RNF157: variants seen among roughly 807,000 people sequenced by gnomAD.
RNF157 encodes the protein ring finger protein 157, also known as E3 ubiquitin ligase RNF157.
A neutral mutation model predicts 88.3 loss-of-function variants in RNF157; 55 were observed. The ratio of observed to expected loss-of-function variants is 0.62; its 90% CI spans 0.50 to 0.78. The LOEUF is 0.78. Ranked by LOEUF, RNF157 falls within the 30% of genes least tolerant of loss-of-function variation. The probability of loss-of-function intolerance (pLI) is 0.00; values close to 1 mark genes in which losing one functional copy is unlikely to be tolerated. For synonymous variants in RNF157, 334 were observed against 341.2 expected (o/e 0.98, Z 0.23); for missense variants, 788 against 860.8 (o/e 0.92, Z 1.06).
chr17:76,144,250 T>G lies in RNF157; in HGVS notation c.*985A>C, dbSNP rs2068552015. 6.6e-6 allele frequency: 1 copy of G among 152,062 alleles called. No homozygotes were observed. The highest frequency in any genetic ancestry group is 2.1e-4 in the South Asian group (1 of 4,820). The allele number at this position is 152,062 out of a possible 1,614,324, so 9.4% of individuals were successfully genotyped here. A position where few individuals can be genotyped will look rare whatever the true frequency, so the allele number is the denominator to read the frequency against. On this transcript the variant is annotated 3_prime_UTR_variant, in exon 19 of 19. Coordinates refer to ENST00000269391, the MANE Select transcript of RNF157 (RefSeq NM_052916.3). ...GGATGGAGTTGCAGGCCTCCCTGAA[T>G]GCACCTGATCAGGAGAAATGCTCCT... is the stretch of plus-strand genomic sequence containing the variant.
At position 76,186,940 on chromosome 17, in the gene RNF157, A is replaced by AAAATAAATAAAT. The variant is rs201615839; in HGVS notation, c.208-13162_208-13151dup. Among the ~76,000 whole-genome samples the AAAATAAATAAAT allele has an allele frequency of 4.5e-3, 634 of 140,888 alleles. 6 individuals are homozygous for AAAATAAATAAAT. Among genetic ancestry groups the AAAATAAATAAAT allele is most frequent in the African/African-American group, 0.014 (516 of 36,454 alleles). 92.4% of individuals were successfully genotyped at this position (140,888 alleles called of 152,430 possible). ...GGGTGACAGAATGAGACTCCGACTC[A>AAAATAAATAAAT]AAATAAATAAATAAATAAATAAATA... On this transcript the variant is annotated intron_variant, in intron 2 of 18. Coordinates refer to ENST00000269391, the MANE Select transcript of RNF157 (RefSeq NM_052916.3).
intron 2 of RNF157, among the ~76,000 whole-genome samples, chr17:76,185,085 A>C (rs2069257768): frequency 6.6e-6 from 1 of 152,230 alleles, no homozygotes; most frequent in Admixed American, 6.5e-5. Context: ...TCCATTCTAT[A>C]TCTCTCCTTA....
rs190194565 is a variant in RNF157 at position 76,235,737 on chromosome 17, G to A, written c.88+4416C>T. On this transcript the variant is annotated intron_variant, in intron 1 of 18. Coordinates refer to ENST00000269391, the MANE Select transcript of RNF157 (RefSeq NM_052916.3). ...ATGTGATACATCTATGGCTGGGTAC[G>A]GTAGATCACTTCTGTAATCCCACTG... Among the ~76,000 whole-genome samples the A allele has an allele frequency of 2.7e-3, 409 of 152,246 alleles. 3 individuals are homozygous for A. Among genetic ancestry groups the A allele is most frequent in the African/African-American group, 9.4e-3 (389 of 41,528 alleles).
chr17:76,153,057 A>C (rs934621492), intron 17 of RNF157: 2 of 152,282 alleles, frequency 1.3e-5, no homozygotes, highest in Non-Finnish European at 2.9e-5. Flanking sequence ...AAATCTACAG[A>C]CATGTAAGAA....
intron 7 of RNF157, 48 bp from the exon 8 acceptor site, chr17:76,164,843 G>C (rs770266445): frequency 2.9e-6 from 4 of 1,392,606 alleles, no homozygotes; most frequent in Non-Finnish European, 4.1e-6. Flanking sequence ...GGGTAATAAA[G>C]CACCAGGTAT....
rs991259104 is a variant in RNF157, at chr17:76,157,726, G to A, written c.1413+667C>T. Among the ~76,000 whole-genome samples the A allele has an allele frequency of 1.3e-5, 2 of 152,174 alleles. No homozygotes were observed. Among genetic ancestry groups the A allele is most frequent in the Non-Finnish European group, 2.9e-5 (2 of 68,026 alleles). On this transcript the variant is annotated intron_variant, in intron 13 of 18. Transcript: ENST00000269391. This position sits in a 1 kb window ranked among gnomAD's most constrained non-coding sequence, Gnocchi z 5.6. ...AGCCAGACCTGAGCACCTAAGGGCA[G>A]GGACCACTTTATTTACCTTCCTGTG...
At chr17:76,162,107 G>T (rs776785767) in intron 9 of RNF157, 105 bp from the exon 10 acceptor site, 3 of 1,166,130 alleles carry the variant, frequency 2.6e-6, no homozygotes, top group Non-Finnish European at 3.6e-6. Context: ...TAATAATTAC[G>T]AACAAAATCT....
At chr17:76,166,005 C>T (rs914287734) in intron 6 of RNF157, among the ~76,000 whole-genome samples, 2 of 150,994 alleles carry the variant, frequency 1.3e-5, no homozygotes, top group Non-Finnish European at 3.0e-5. Context: ...GACTGAGCCT[C>T]ACTCTGTCAC....
rs113057529 is a variant in RNF157 at position 76,166,357 on chromosome 17, A to C, written c.628+104T>G. 1,792 of 922,968 alleles carry C rather than the reference A, an allele frequency of 1.9e-3. 21 individuals are homozygous for C. The African/African-American group carries it at 0.025, about 13-fold the overall frequency. The allele number at this position is 922,968 out of a possible 1,614,324, so 57.2% of individuals were successfully genotyped here. ...AGAGACTGCCTGACTCACAGTCACAAACACCCACAAAGAAGGCATGTTGTT... is the reference window on the plus strand; with the variant it reads ...AGAGACTGCCTGACTCACAGTCACACACACCCACAAAGAAGGCATGTTGTT... On this transcript the variant is annotated intron_variant, in intron 6 of 18. Transcript: ENST00000269391.
chr17:76,231,219 G>A (rs2070187016), intron 1 of RNF157, among the ~76,000 whole-genome samples: 1 of 152,062 alleles, frequency 6.6e-6, no homozygotes, highest in Admixed American at 6.6e-5. Context: ...GGATGGTCTC[G>A]ATCTCCTGAC....
chr17:76,206,652 A>G (rs571774994), intron 2 of RNF157, among the ~76,000 whole-genome samples: 2 of 152,276 alleles, frequency 1.3e-5, no homozygotes, highest in East Asian at 3.9e-4. Flanking sequence ...AATACAAAAA[A>G]TTACCTGGGC....
At chr17:76,202,321 G>A (rs2069598280) in intron 2 of RNF157, among the ~76,000 whole-genome samples, 1 of 152,166 alleles carries the variant, frequency 6.6e-6, no homozygotes, top group Non-Finnish European at 1.5e-5. Flanking sequence ...CAGCATCTGG[G>A]GTAAGTGGTG....
At chr17:76,209,482 G>GTTT (rs11439973) in intron 2 of RNF157, among the ~76,000 whole-genome samples, 45 of 146,780 alleles carry the variant, frequency 3.1e-4, no homozygotes, top group African/African-American at 1.0e-3. Flanking sequence ...ATTTTTTTGC[G>GTTT]TTTTTTTTTT....
intron 1 of RNF157, among the ~76,000 whole-genome samples, chr17:76,239,917 G>A (rs931478188): frequency 6.6e-6 from 1 of 152,080 alleles, no homozygotes; most frequent in African/African-American, 2.4e-5. Context: ...TCCCGTGGAG[G>A]GGCTCGGTGC....
chr17:76,148,468 C>T (rs1003222899), intron 18 of RNF157, among the ~76,000 whole-genome samples: 3 of 151,268 alleles, frequency 2.0e-5, no homozygotes, highest in Admixed American at 6.6e-5. Context: ...GAGGTTTCAC[C>T]GTGTTAGCCA....
At chr17:76,154,355 T>C in intron 16 of RNF157, 27 bp from the exon 17 acceptor site, 1 of 1,571,628 alleles carries the variant, frequency 6.4e-7, no homozygotes, top group Non-Finnish European at 8.8e-7. Flanking sequence ...GCCCTGTGAG[T>C]CTATGAAGCG....
intron 2 of RNF157, among the ~76,000 whole-genome samples, chr17:76,191,169 A>C (rs1682134048): frequency 6.6e-6 from 1 of 152,176 alleles, no homozygotes; most frequent in Admixed American, 6.5e-5. Context: ...CCTAAAGTTC[A>C]GTGCTGCCTT....
chr17:76,233,809 A>C (rs1233389780), intron 1 of RNF157, among the ~76,000 whole-genome samples: 1 of 152,224 alleles, frequency 6.6e-6, no homozygotes, highest in African/African-American at 2.4e-5. Context: ...CTGGGATTAC[A>C]GGCATGAGTC....
intron 2 of RNF157, among the ~76,000 whole-genome samples, chr17:76,186,967 A>G (rs1364753262): frequency 6.6e-6 from 1 of 151,464 alleles, no homozygotes; most frequent in African/African-American, 2.4e-5. Context: ...AAATAAATAA[A>G]TAAATAAATA....
Sources: gnomAD v4.1 joint callset for allele counts (sites outside exome capture counted in the v4.1 genomes callset) on GRCh38, gnomAD v4.1.1 for gene constraint, Gnocchi (gnomAD v3.1) non-coding constraint, MANE v1.5 for transcripts, NCBI Gene and HGNC (gene_info 2026-07-23, HGNC 2026-07-21) for gene names.